The following CLSTN2 variants were observed in gnomAD, a reference collection of about 807,000 sequenced individuals.
CLSTN2 encodes calsyntenin 2, also known as calsyntenin-2.
In CLSTN2, 48 loss-of-function variants were observed where a neutral mutation model predicts 101.2. That is an observed-to-expected ratio of 0.47 (90% confidence interval 0.38 to 0.60). The LOEUF is 0.60. Ranked by LOEUF, CLSTN2 falls within the 20% of genes least tolerant of loss-of-function variation. The probability of loss-of-function intolerance (pLI) is 0.00; values close to 1 mark genes in which losing one functional copy is unlikely to be tolerated. For synonymous variants in CLSTN2, 481 were observed against 463.6 expected (o/e 1.04, Z -0.48); for missense variants, 1,160 against 1,238.2 (o/e 0.94, Z 0.95).
intron 2 of CLSTN2, among the ~76,000 whole-genome samples, chr3:140,229,635 C>T (rs186175231): frequency 1.3e-5 from 2 of 151,944 alleles, no homozygotes; most frequent in East Asian, 3.9e-4. Flanking sequence ...GAAATAGGTA[C>T]CTGAGTGAGT....
rs193006697 is a variant in CLSTN2, at chr3:140,331,101, T to C, written c.233-72528T>C. On this transcript the variant is annotated intron_variant, in intron 2 of 16. Coordinates refer to ENST00000458420, the MANE Select transcript of CLSTN2 (RefSeq NM_022131.3). ...GCCTCACAACCAAGGAAGCCAACAG[T>C]GCAGCCCTCAGTCTGAGGCTGAAGT... Among the ~76,000 whole-genome samples, 243 of 152,316 alleles carry C rather than the reference T, an allele frequency of 1.6e-3. 1 individual carries two copies. Among genetic ancestry groups the C allele is most frequent in the African/African-American group, 5.6e-3 (234 of 41,568 alleles).
intron 1 of CLSTN2, among the ~76,000 whole-genome samples, chr3:140,166,769 C>A (rs1438981283): frequency 6.6e-6 from 1 of 152,124 alleles, no homozygotes; most frequent in Non-Finnish European, 1.5e-5. Context: ...AAGACACGGG[C>A]ATTTTCCAAA....
At chr3:140,530,759 C>G (rs1935239490) in intron 8 of CLSTN2, among the ~76,000 whole-genome samples, 1 of 152,192 alleles carries the variant, frequency 6.6e-6, no homozygotes, top group East Asian at 1.9e-4. Context: ...CTGGTTGGTT[C>G]TTGGCACTCT....
chr3:140,212,144 G>A (rs1162467170), intron 2 of CLSTN2, among the ~76,000 whole-genome samples: 1 of 152,130 alleles, frequency 6.6e-6, no homozygotes, highest in Non-Finnish European at 1.5e-5. Context: ...TCAGTTCCTC[G>A]GGAACACAAC....
chr3:140,433,979 T>C (rs347338), intron 5 of CLSTN2, among the ~76,000 whole-genome samples: 94,657 of 152,018 alleles, frequency 0.62, 30,440 homozygotes, highest in East Asian at 0.92. Flanking sequence ...GTAAGAGGCC[T>C]GGCAAAGTGC....
intron 2 of CLSTN2, among the ~76,000 whole-genome samples, chr3:140,328,746 C>T (rs1318689607): frequency 6.6e-6 from 1 of 152,156 alleles, no homozygotes; most frequent in Non-Finnish European, 1.5e-5. Flanking sequence ...CTTAACTTCT[C>T]CCTGCCTCAG....
intron 9 of CLSTN2, among the ~76,000 whole-genome samples, chr3:140,537,160 G>C (rs1369913888): frequency 6.6e-6 from 1 of 152,154 alleles, no homozygotes; most frequent in African/African-American, 2.4e-5. Flanking sequence ...TTTTGAGGTT[G>C]GCAAGGGAAC....
intron 1 of CLSTN2, among the ~76,000 whole-genome samples, chr3:140,090,242 G>T (rs1315214173): frequency 2.6e-5 from 4 of 151,824 alleles, no homozygotes; most frequent in African/African-American, 9.7e-5. Flanking sequence ...AATGTTTCTG[G>T]TTGGAGATGT....
At chr3:140,284,626 G>A (rs1168332332) in intron 2 of CLSTN2, among the ~76,000 whole-genome samples, 2 of 152,122 alleles carry the variant, frequency 1.3e-5, no homozygotes, top group Non-Finnish European at 2.9e-5. Flanking sequence ...AAAAGCTCCA[G>A]CAGCACAAAT....
chr3:140,553,282 T>C (rs1245370967), intron 10 of CLSTN2, among the ~76,000 whole-genome samples: 1 of 152,256 alleles, frequency 6.6e-6, no homozygotes, highest in Non-Finnish European at 1.5e-5. Flanking sequence ...AGAATGATCA[T>C]CCAAGCTATC....
At chr3:140,486,357 C>T (rs1185400897) in intron 8 of CLSTN2, among the ~76,000 whole-genome samples, 2 of 152,156 alleles carry the variant, frequency 1.3e-5, no homozygotes, top group East Asian at 1.9e-4. Context: ...ATGACCATGA[C>T]TGTTAAATCC....
At chr3:140,182,990 G>C (rs897057882) in intron 2 of CLSTN2, among the ~76,000 whole-genome samples, 2 of 152,142 alleles carry the variant, frequency 1.3e-5, no homozygotes, top group Admixed American at 1.3e-4. Context: ...ACAGAGGAAG[G>C]ATGACAGGTG....
intron 2 of CLSTN2, among the ~76,000 whole-genome samples, chr3:140,249,505 C>A (rs911351531): frequency 6.6e-6 from 1 of 152,100 alleles, no homozygotes; most frequent in African/African-American, 2.4e-5. Context: ...GCAGATGTGA[C>A]CTAAGCTAGG....
At chr3:140,429,677 C>A (rs1367966379) in intron 5 of CLSTN2, among the ~76,000 whole-genome samples, 1 of 152,138 alleles carries the variant, frequency 6.6e-6, no homozygotes, top group Non-Finnish European at 1.5e-5. Flanking sequence ...GGCTGGAATG[C>A]AGAGACTCAG....
chr3:140,189,379 T>C (rs2010528535), intron 2 of CLSTN2, among the ~76,000 whole-genome samples: 1 of 152,190 alleles, frequency 6.6e-6, no homozygotes, highest in African/African-American at 2.4e-5. Flanking sequence ...AGTGTATAAG[T>C]GATACAGTTT....
intron 9 of CLSTN2, among the ~76,000 whole-genome samples, chr3:140,538,879 A>G (rs1483365241): frequency 6.6e-6 from 1 of 152,184 alleles, no homozygotes; most frequent in Non-Finnish European, 1.5e-5. Flanking sequence ...CCATTCCCAA[A>G]CCACCATATT....
At chr3:140,114,615 A>G (rs184808861) in intron 1 of CLSTN2, among the ~76,000 whole-genome samples, 1 of 152,046 alleles carries the variant, frequency 6.6e-6, no homozygotes, top group Non-Finnish European at 1.5e-5. Context: ...TACGCATTCA[A>G]ATTAGTGTTT....
chr3:140,165,952 G>T (rs2010128403), intron 1 of CLSTN2, among the ~76,000 whole-genome samples: 1 of 152,184 alleles, frequency 6.6e-6, no homozygotes, highest in African/African-American at 2.4e-5. Flanking sequence ...TCTGTGAAAA[G>T]TGAGCAGGGG....
intron 2 of CLSTN2, among the ~76,000 whole-genome samples, chr3:140,295,054 C>A (rs1308328464): frequency 6.6e-6 from 1 of 152,168 alleles, no homozygotes; most frequent in East Asian, 1.9e-4. Context: ...GTATTGGGGT[C>A]ACAGACATTC....
Sources: allele counts gnomAD v4.1 joint callset (sites outside exome capture counted in the v4.1 genomes callset), GRCh38; gene constraint gnomAD v4.1.1; transcripts MANE v1.5; gene names NCBI Gene and HGNC (gene_info 2026-07-23, HGNC 2026-07-21).